CTNNA2: variants seen among roughly 807,000 people sequenced by gnomAD.
The protein encoded by CTNNA2 is catenin alpha 2.
CTNNA2 carries 42 observed loss-of-function variants against 101.0 expected under a neutral mutation model. The ratio of observed to expected loss-of-function variants is 0.42; its 90% CI spans 0.32 to 0.54. The LOEUF (loss-of-function observed/expected upper bound fraction) is 0.54, where lower values mean the gene tolerates loss of function less well. Ranked by LOEUF, CTNNA2 falls within the 20% of genes least tolerant of loss-of-function variation. The pLI, the probability that CTNNA2 is intolerant of heterozygous loss-of-function variation, is 0.14. For missense variants in CTNNA2, 871 were observed against 1,223.1 expected, an observed-to-expected ratio of 0.71 and a Z score of 4.29; for synonymous variants, 450 against 456.4, an observed-to-expected ratio of 0.99 and a Z score of 0.18.
At chr2:79,656,433 C>T (rs1009630004) in intron 2 of CTNNA2, among the ~76,000 whole-genome samples, 3 of 151,892 alleles carry the variant, frequency 2.0e-5, no homozygotes, top group Non-Finnish European at 4.4e-5. Context: ...CATAGCTATC[C>T]CACAGTTTCT....
At chr2:80,027,735 G>A (rs1382763131) in intron 7 of CTNNA2, among the ~76,000 whole-genome samples, 1 of 152,090 alleles carries the variant, frequency 6.6e-6, no homozygotes, top group African/African-American at 2.4e-5. Context: ...GGGAGGCCAA[G>A]GTTGGGAGCA....
intron 17 of CTNNA2, among the ~76,000 whole-genome samples, chr2:80,612,439 CAG>C (rs1698540759): frequency 6.6e-6 from 1 of 151,550 alleles, no homozygotes; most frequent in Non-Finnish European, 1.5e-5. Context: ...CATACAAACA[CAG>C]AGCACAATTG....
intron 7 of CTNNA2, among the ~76,000 whole-genome samples, chr2:80,178,522 G>A (rs1363949087): frequency 6.6e-6 from 1 of 152,170 alleles, no homozygotes; most frequent in East Asian, 1.9e-4. Flanking sequence ...ATTTGCCACT[G>A]ACACCTCAGA....
intron 7 of CTNNA2, among the ~76,000 whole-genome samples, chr2:80,136,931 T>G (rs7600846): frequency 0.085 from 12,876 of 152,244 alleles, 588 homozygotes; most frequent in African/African-American, 0.12. Context: ...TGCTGCTGCA[T>G]GAAGGTGGCC....
At chr2:79,679,061 A>C (rs1474313636) in intron 2 of CTNNA2, among the ~76,000 whole-genome samples, 2 of 152,234 alleles carry the variant, frequency 1.3e-5, no homozygotes, top group Non-Finnish European at 2.9e-5. Flanking sequence ...TCTACTTTAC[A>C]GAAAATTAAG....
chr2:79,676,659 C>T (rs979710798), intron 2 of CTNNA2, among the ~76,000 whole-genome samples: 5 of 152,064 alleles, frequency 3.3e-5, no homozygotes, highest in Non-Finnish European at 5.9e-5. Context: ...CAAGCAGAAA[C>T]AGCAGACAGT....
chr2:80,013,725 G>T (rs1693942764), intron 7 of CTNNA2, among the ~76,000 whole-genome samples: 1 of 152,268 alleles, frequency 6.6e-6, no homozygotes, highest in East Asian at 1.9e-4. Flanking sequence ...GATGGGTCAA[G>T]CATGCTCTCC....
At chr2:79,293,707 T>G (rs1466959454) in intron 2 of CTNNA2, among the ~76,000 whole-genome samples, 11 of 152,214 alleles carry the variant, frequency 7.2e-5, no homozygotes, top group Admixed American at 3.3e-4. Context: ...GACATGTGTT[T>G]GATCCCTTAC....
At chr2:79,479,872 G>A (rs1221570895) in intron 4 of CTNNA2, among the ~76,000 whole-genome samples, 4 of 151,914 alleles carry the variant, frequency 2.6e-5, no homozygotes, top group African/African-American at 7.3e-5. Flanking sequence ...GCAGTGAGCT[G>A]AGATCATGCC....
intron 3 of CTNNA2, among the ~76,000 whole-genome samples, chr2:79,363,646 G>A (rs1055828207): frequency 2.6e-5 from 4 of 151,598 alleles, no homozygotes; most frequent in African/African-American, 4.8e-5. Flanking sequence ...GAAGTGTCCC[G>A]TCTGACACTT....
At chr2:80,213,251 G>T (rs1708025482) in intron 7 of CTNNA2, among the ~76,000 whole-genome samples, 1 of 151,894 alleles carries the variant, frequency 6.6e-6, no homozygotes, top group South Asian at 2.1e-4. Flanking sequence ...CTTGCCTTCT[G>T]CTAGTTTTTG....
chr2:79,633,279 A>G (rs1447263193), intron 1 of CTNNA2, among the ~76,000 whole-genome samples: 2 of 152,186 alleles, frequency 1.3e-5, no homozygotes, highest in Non-Finnish European at 2.9e-5. Context: ...AGTCACAGAT[A>G]GATGCAACAG....
chr2:80,628,249 A>G (rs1671894780), intron 18 of CTNNA2, among the ~76,000 whole-genome samples: 1 of 151,734 alleles, frequency 6.6e-6, no homozygotes, highest in Admixed American at 6.6e-5. Context: ...TCTTCACAGA[A>G]TTGGAAAAAA....
chr2:80,559,156 A>G (rs1308592283), intron 12 of CTNNA2, among the ~76,000 whole-genome samples: 1 of 152,218 alleles, frequency 6.6e-6, no homozygotes, highest in Middle Eastern at 3.2e-3. Context: ...TTACTGCCCT[A>G]AAGTAAAGAA....
intron 2 of CTNNA2, among the ~76,000 whole-genome samples, chr2:79,741,771 A>C (rs1209333506): frequency 6.6e-6 from 1 of 152,094 alleles, no homozygotes; most frequent in Non-Finnish European, 1.5e-5. Flanking sequence ...TTTCTTAAGA[A>C]TCATATTCTC....
intron 12 of CTNNA2, among the ~76,000 whole-genome samples, chr2:80,569,893 C>T (rs969473547): frequency 9.2e-5 from 14 of 151,894 alleles, no homozygotes; most frequent in Non-Finnish European, 1.6e-4. Context: ...CCACCCTCCT[C>T]GGCCTCCCAA....
intron 7 of CTNNA2, among the ~76,000 whole-genome samples, chr2:79,948,318 A>C (rs1280829736): frequency 6.6e-6 from 1 of 152,220 alleles, no homozygotes; most frequent in East Asian, 1.9e-4. Context: ...AAATCATGAA[A>C]TTAAAATGTT....
intron 1 of CTNNA2, among the ~76,000 whole-genome samples, chr2:79,599,406 G>T (rs567394163): frequency 6.6e-6 from 1 of 152,080 alleles, no homozygotes; most frequent in Non-Finnish European, 1.5e-5. Flanking sequence ...TTATACCATT[G>T]AACATAAAAA....
At position 80,407,838 on chromosome 2, in the gene CTNNA2, T is replaced by C. The variant is rs142118561; in HGVS notation, c.1138-11611T>C. On this transcript the variant is annotated intron_variant, in intron 8 of 18. Transcript: ENST00000402739. ...CTGTTGGAAATGCAAGGCTGTGCAA[T>C]AGTTAAAGACAGGAAGTAAAAAGTA... 2.0e-5 allele frequency among the ~76,000 whole-genome samples: 3 copies of C among 152,244 alleles called. No homozygotes were observed. The East Asian group carries it at 5.8e-4, about 29-fold the overall frequency.
Sources: allele counts gnomAD v4.1 joint callset (sites outside exome capture counted in the v4.1 genomes callset), GRCh38; gene constraint gnomAD v4.1.1; transcripts MANE v1.5; gene names NCBI Gene and HGNC (gene_info 2026-07-23, HGNC 2026-07-21).